The following PSMD13 variants were observed in gnomAD, a reference collection of about 807,000 sequenced individuals.
PSMD13 encodes proteasome 26S subunit, non-ATPase 13.
In PSMD13, 8 loss-of-function variants were observed where a neutral mutation model predicts 57.4. The ratio of observed to expected loss-of-function variants is 0.14; its 90% CI spans 0.08 to 0.25. The LOEUF is 0.25. Ranked by LOEUF, PSMD13 falls within the 10% of genes least tolerant of loss-of-function variation. The pLI is 1.00. For missense variants in PSMD13, 400 were observed against 461.5 expected (o/e 0.87, Z 1.22); for synonymous variants, 193 against 168.2 (o/e 1.15, Z -1.14).
At chr11:246,374 C>T (rs1016627567) in intron 6 of PSMD13, among the ~76,000 whole-genome samples, 2 of 152,026 alleles carry the variant, frequency 1.3e-5, no homozygotes, top group African/African-American at 2.4e-5. Context: ...TGGTGGCGGG[C>T]GCCTGTAGTC....
chr11:240,075 T>C (rs1283831902), intron 2 of PSMD13, among the ~76,000 whole-genome samples: 1 of 145,022 alleles, frequency 6.9e-6, no homozygotes, highest in Non-Finnish European at 1.5e-5. Flanking sequence ...TTCTGGATTA[T>C]GTGGGAAAAT....
chr11:243,450 T>C (rs1859560439), intron 2 of PSMD13: 2 of 300,126 alleles, frequency 6.7e-6, no homozygotes, highest in Non-Finnish European at 1.3e-5. Flanking sequence ...AATGGTCTTA[T>C]TATTTAAATG....
chr11:238,964 A>G (rs934448528), intron 1 of PSMD13, 34 bp from the exon 2 acceptor site: 1 of 1,581,928 alleles, frequency 6.3e-7, no homozygotes, highest in Non-Finnish European at 8.7e-7. Context: ...ACTGGATATT[A>G]GGTTAGAGGT....
chr11:251,607 C>T lies in PSMD13; in HGVS notation c.899C>T (p.Ala300Val). 1 of 1,613,912 alleles carries T rather than the reference C, an allele frequency of 6.2e-7. No homozygotes were observed. Among genetic ancestry groups the T allele is most frequent in the Non-Finnish European group, 8.5e-7 (1 of 1,179,784 alleles). Residue 300 changes from alanine (A) to valine (V), a missense_variant, in exon 11 of 13, where the codon GCT becomes GTT. By Grantham distance (64) the Ala-to-Val change is moderately conservative. Transcript: ENST00000532097. The surrounding 1 kb of genome is among the most constrained non-coding windows in gnomAD (Gnocchi z 4.6). Reference protein sequence around the residue: ...QLTFEEIAKSAKITVNEVELL... With the variant: ...QLTFEEIAKSVKITVNEVELL... ...ACTTTTGAAGAAATTGCCAAAAGTG[C>T]TAAAATCACAGTGAATGAGGTACGG...
Position 252,002 on chromosome 11 carries a change from GT to G in PSMD13, c.1035+69del. ...GAGGGGTTGTGTCTATACCGTCTTA[GT>G]TTCATTTGGATGGAAGCCATTTGGG... On this transcript the variant is annotated intron_variant, in intron 12 of 12. Coordinates refer to ENST00000532097, the MANE Select transcript of PSMD13 (RefSeq NM_002817.4). The surrounding 1 kb of genome is among the most constrained non-coding windows in gnomAD (Gnocchi z 4.1). 1 of 1,431,580 alleles carries G rather than the reference GT, an allele frequency of 7.0e-7. No individual in the cohort carries two copies. The highest frequency in any genetic ancestry group is 2.3e-5 in the East Asian group (1 of 43,288). 88.7% of individuals were successfully genotyped at this position (1,431,580 alleles called of 1,614,324 possible).
intron 2 of PSMD13, among the ~76,000 whole-genome samples, chr11:240,128 T>TTTTTTTTTGG (rs869292581): frequency 2.1e-5 from 3 of 141,700 alleles, no homozygotes; most frequent in Non-Finnish European, 3.0e-5. Flanking sequence ...TTTTTTTTTT[T>TTTTTTTTTGG]GACGGAGTTT....
In PSMD13 at chr11:237,154, G is replaced by C; in HGVS notation, c.95+10G>C. The C allele has an allele frequency of 6.2e-7, 1 of 1,607,830 alleles. No individual in the cohort carries two copies. Among genetic ancestry groups the C allele is most frequent in the Admixed American group, 1.7e-5 (1 of 59,440 alleles). The stretch of plus-strand genomic sequence containing the variant: ...AGCTCTACACGAAGAAGTGAGCGCC[G>C]AGCAGACGGGCCCTGGGCCCCGGCG... On this transcript the variant is annotated intron_variant, in intron 1 of 12. Coordinates refer to ENST00000532097, the MANE Select transcript of PSMD13 (RefSeq NM_002817.4).
At chr11:238,387 CA>C (rs1221876103) in intron 1 of PSMD13, among the ~76,000 whole-genome samples, 1 of 152,208 alleles carries the variant, frequency 6.6e-6, no homozygotes, top group Non-Finnish European at 1.5e-5. Flanking sequence ...TAAGTGATCT[CA>C]AAGTGACATA....
At chr11:247,759 G>A (rs1859683013) in intron 7 of PSMD13, 2 of 205,674 alleles carry the variant, frequency 9.7e-6, no homozygotes, top group Non-Finnish European at 2.0e-5. Flanking sequence ...CTTGAACTCG[G>A]GAGGTGGAGG....
In PSMD13 at chr11:252,416, T is replaced by G. The variant is rs982338852; in HGVS notation, c.1036-89T>G. The G allele has an allele frequency of 1.1e-5, 13 of 1,214,000 alleles. No homozygotes were observed. Among genetic ancestry groups the G allele is most frequent in the Admixed American group, 1.7e-5 (1 of 58,636 alleles). 75.2% of individuals were successfully genotyped at this position (1,214,000 alleles called of 1,614,324 possible). A position where few individuals can be genotyped will look rare whatever the true frequency, so the allele number is the denominator to read the frequency against. ...TGCCCTAGAGAGTTAGCTGGAGATGTAGAGTCACCCCATCAGGTGCTGTGC... is the reference window on the plus strand; with the variant it reads ...TGCCCTAGAGAGTTAGCTGGAGATGGAGAGTCACCCCATCAGGTGCTGTGC... On this transcript the variant is annotated intron_variant, in intron 12 of 12. Transcript: ENST00000532097. The surrounding 1 kb of genome is among the most constrained non-coding windows in gnomAD (Gnocchi z 4.1).
intron 2 of PSMD13, among the ~76,000 whole-genome samples, chr11:239,539 T>G (rs1421561813): frequency 1.3e-5 from 2 of 152,198 alleles, no homozygotes; most frequent in African/African-American, 4.8e-5. Context: ...ACTCCCCTTC[T>G]TTAAGCCGCA....
Position 244,008 on chromosome 11 carries a change from C to A in PSMD13, c.175-33C>A, listed in dbSNP as rs745672594. The A allele has an allele frequency of 6.3e-6, 10 of 1,581,262 alleles. No individual in the cohort carries two copies. In the African/African-American group the frequency reaches 1.1e-4, roughly 17 times the overall value. The stretch of plus-strand genomic sequence containing the variant: ...CTTCGTTTTGCAGAATAAAAGACAT[C>A]CTATAATTTCTCTCCATGTTTTGGT... On this transcript the variant is annotated intron_variant, in intron 2 of 12. Transcript: ENST00000532097.
chr11:237,022 C>T lies in PSMD13; in HGVS notation c.-28C>T, dbSNP rs369344513. ...CCGCGGTGCTGACATCCCGGTTGTT[C>T]TTCTGTGCCGGGGGTCTTCCTGCTG... On this transcript the variant is annotated 5_prime_UTR_variant, in exon 1 of 13. Coordinates refer to ENST00000532097, the MANE Select transcript of PSMD13 (RefSeq NM_002817.4). 623 of 1,574,678 alleles carry T rather than the reference C, an allele frequency of 4.0e-4. No individual in the cohort carries two copies. Among genetic ancestry groups the T allele is most frequent in the Non-Finnish European group, 5.2e-4 (599 of 1,145,022 alleles).
chr11:244,436 G>A lies in PSMD13; in HGVS notation c.276G>A (p.Val92=). The A allele has an allele frequency of 2.5e-6, 4 of 1,611,236 alleles. No homozygotes were observed. Among genetic ancestry groups the A allele is most frequent in the Non-Finnish European group, 3.4e-6 (4 of 1,177,610 alleles). The change falls in exon 5 of 13, where the codon GTG becomes GTA. Residue 92 remains valine (V), a synonymous_variant. Coordinates refer to ENST00000532097, the MANE Select transcript of PSMD13 (RefSeq NM_002817.4). ...HVVRQMTDPN[V]ALTFLEKTRE... ...TTCCTTCTTTTCCAGATCCTAATGTGGCTCTTACTTTTCTGGAAAAGACTC... is the reference window on the plus strand; with the variant it reads ...TTCCTTCTTTTCCAGATCCTAATGTAGCTCTTACTTTTCTGGAAAAGACTC...
chr11:248,846 T>C lies in PSMD13; in HGVS notation c.639T>C (p.Phe213=), dbSNP rs766075017. 3.1e-6 allele frequency: 5 copies of C among 1,614,156 alleles called. No homozygotes were observed. The South Asian group carries it at 3.3e-5, about 11-fold the overall frequency. ...TTCTCGGCGAGGGAGTTTTTAACTT[T>C]GGAGAACTCGTAAGTTGACCCTGAG... The part of the protein sequence containing the change: ...AGLLGEGVFN[F]GELLMHPVLE... Residue 213 remains phenylalanine, a synonymous_variant, in exon 8 of 13, where the codon TTT becomes TTC. Coordinates refer to ENST00000532097, the MANE Select transcript of PSMD13 (RefSeq NM_002817.4).
chr11:243,546 T>C (rs1337182780), intron 2 of PSMD13: 3 of 349,540 alleles, frequency 8.6e-6, no homozygotes, highest in Non-Finnish European at 1.7e-5. Flanking sequence ...GGGATTCACC[T>C]TCCTTCCACA....
chr11:244,691 A>G lies in PSMD13; in HGVS notation c.326A>G (p.Glu109Gly), dbSNP rs1859593891. 2 of 1,613,192 alleles carry G rather than the reference A, an allele frequency of 1.2e-6. No individual in the cohort carries two copies. Among genetic ancestry groups the G allele is most frequent in the Non-Finnish European group, 1.7e-6 (2 of 1,179,748 alleles). Residue 109 changes from glutamate to glycine, a missense_variant, in exon 6 of 13, where the codon GAG (glutamate) becomes GGG (glycine). Glu to Gly is a moderately conservative substitution (Grantham distance 98). Coordinates refer to ENST00000532097, the MANE Select transcript of PSMD13 (RefSeq NM_002817.4). ...KTREKVKSSD[E>G]AVILCKTAIG... is the part of the protein sequence containing the mutation. Reference sequence around the variant, plus strand: ...ATGTCTTAGGTGAAAAGTAGTGATGAGGCAGTGATCCTGTGTAAAACAGCA... The same window carrying G: ...ATGTCTTAGGTGAAAAGTAGTGATGGGGCAGTGATCCTGTGTAAAACAGCA...
Position 247,341 on chromosome 11 carries a change from G to A in PSMD13, c.461G>A (p.Arg154His), listed in dbSNP as rs370025144. Reference protein sequence around the residue: ...NLPGVTSVHSRFYDLSSKYYQ... With the variant: ...NLPGVTSVHSHFYDLSSKYYQ... ...CCTGGTGTGACATCGGTTCACAGTC[G>A]TTTCTATGATCTCTCCAGTAAATAC... Residue 154 changes from arginine to histidine, a missense_variant, in exon 7 of 13, where the codon CGT becomes CAT. Transcript: ENST00000532097. The A allele has an allele frequency of 1.5e-5, 25 of 1,613,982 alleles. No homozygotes were observed. The highest frequency in any genetic ancestry group is 2.0e-5 in the Non-Finnish European group (24 of 1,179,970).
rs1859673288 is a variant in PSMD13, at chr11:247,408, T to C, written c.528T>C (p.Ala176=). The part of the protein sequence containing the change: ...IGNHASYYKD[A]LRFLGCVDIK... ...ACCACGCGTCCTACTACAAAGATGC[T>C]CTGCGGTTTTTGGGCTGTGTTGACA... The change falls in exon 7 of 13, where the codon GCT becomes GCC. Residue 176 remains alanine, a synonymous_variant. Transcript: ENST00000532097. The C allele has an allele frequency of 1.9e-6, 3 of 1,613,918 alleles. No homozygotes were observed. Among genetic ancestry groups the C allele is most frequent in the Admixed American group, 1.7e-5 (1 of 59,992 alleles).
Sources: allele counts gnomAD v4.1 joint callset (sites outside exome capture counted in the v4.1 genomes callset), GRCh38; gene constraint gnomAD v4.1.1; non-coding constraint Gnocchi (gnomAD v3.1); transcripts MANE v1.5; gene names NCBI Gene and HGNC (gene_info 2026-07-23, HGNC 2026-07-21).